Variants in ADGRE3 observed in about 807,000 individuals in gnomAD.
ADGRE3 encodes the protein adhesion G protein-coupled receptor E3, also known as EGF-like module receptor 3.
A neutral mutation model predicts 80.1 loss-of-function variants in ADGRE3; 88 were observed. The ratio of observed to expected loss-of-function variants is 1.10; its 90% CI spans 0.93 to 1.31. ADGRE3 has a LOEUF of 1.31. Among genes scored for constraint, ADGRE3 ranks in the 40% most tolerant of loss-of-function variants. ADGRE3 has a pLI of 0.00. For synonymous variants in ADGRE3, 281 were observed against 294.8 expected, an observed-to-expected ratio of 0.95 and a Z score of 0.48; for missense variants, 715 against 776.5, an observed-to-expected ratio of 0.92 and a Z score of 0.94.
chr19:14,611,597 G>A, the ADGRE3 span, among the ~76,000 whole-genome samples: 1 of 152,008 alleles, frequency 6.6e-6, no homozygotes, highest in Non-Finnish European at 1.5e-5. Flanking sequence ...CCCCTACATA[G>A]TGTGGCCAGG....
chr19:14,629,991 C>T, intron 14 of ADGRE3, 48 bp downstream of exon 14: 1 of 1,379,102 alleles, frequency 7.3e-7, no homozygotes, highest in Non-Finnish European at 9.8e-7. Context: ...AACTCCATTT[C>T]CAAAATTTTC....
At position 14,644,220 on chromosome 19, in the gene ADGRE3, C is replaced by T; in HGVS notation, c.938G>A (p.Gly313Asp). The stretch of plus-strand genomic sequence containing the variant: ...GCAGCCATCCCTGGACCACTGGCTG[C>T]CCTGCCCTGTGCTCTTCCAGTAGAC... ...FCVYWKSTGQ[G>D]SQWSRDGCFL... The change falls in exon 9 of 16, where the codon GGC (glycine) becomes GAC (aspartate). Residue 313 changes from glycine (G) to aspartate (D), a missense_variant. Transcript: ENST00000253673. 6.2e-7 allele frequency: 1 copy of T among 1,605,572 alleles called. No homozygotes were observed. Among genetic ancestry groups the T allele is most frequent in the East Asian group, 2.3e-5 (1 of 44,388 alleles).
chr19:14,639,940 G>A (rs534720654), intron 10 of ADGRE3, among the ~76,000 whole-genome samples: 28 of 152,050 alleles, frequency 1.8e-4, no homozygotes, highest in East Asian at 1.4e-3. Flanking sequence ...TATTCTTTCC[G>A]TCTAGCTGAA....
chr19:14,652,967 T>C (rs553095006), intron 6 of ADGRE3, among the ~76,000 whole-genome samples: 2 of 152,024 alleles, frequency 1.3e-5, no homozygotes, highest in African/African-American at 4.8e-5. Context: ...TTGAGCTCAG[T>C]GTAAGTGAAT....
rs1480663793 is a variant in ADGRE3, at chr19:14,638,148, T to A, written c.1441A>T (p.Ile481Phe). Residue 481 changes from isoleucine (I) to phenylalanine (F), a missense_variant, in exon 11 of 16, where the codon ATT becomes TTT. Transcript: ENST00000253673. ...GYGVPAVTVA[I>F]SAASWPHLYG... is the part of the protein sequence containing the mutation. ...AGGTGAGGCCAGGAGGCTGCAGAAA[T>A]GGCCACAGTCACAGCGGGAACGCCA... 2 of 1,614,080 alleles carry A rather than the reference T, an allele frequency of 1.2e-6. No homozygotes were observed. The highest frequency in any genetic ancestry group is 1.7e-6 in the Non-Finnish European group (2 of 1,180,004).
chr19:14,667,658 G>A (rs930940900), intron 2 of ADGRE3, among the ~76,000 whole-genome samples: 8 of 152,128 alleles, frequency 5.3e-5, no homozygotes, highest in Non-Finnish European at 1.2e-4. Context: ...TTTGGACACA[G>A]GGTGGGGAAC....
Position 14,621,790 on chromosome 19 carries a change from T to G in ADGRE3, c.1921-2319A>C. 2 of 1,027,842 alleles carry G rather than the reference T, an allele frequency of 1.9e-6. 1 individual carries two copies. The highest frequency in any genetic ancestry group is 4.4e-5 in the African/African-American group (2 of 44,948). The allele number at this position is 1,027,842 out of a possible 1,614,324, so 63.7% of individuals were successfully genotyped here. A position where few individuals can be genotyped will look rare whatever the true frequency, so the allele number is the denominator to read the frequency against. Reference sequence around the variant, plus strand: ...TTAAAAGCTTCCATATCAGCAGTAATGCAAGGCCAATAAGAACAATTCCAG... The same window carrying G: ...TTAAAAGCTTCCATATCAGCAGTAAGGCAAGGCCAATAAGAACAATTCCAG... On this transcript the variant is annotated intron_variant, in intron 15 of 15. Transcript: ENST00000253673.
At chr19:14,648,921 C>T (rs1048373841) in intron 7 of ADGRE3, among the ~76,000 whole-genome samples, 18 of 152,120 alleles carry the variant, frequency 1.2e-4, no homozygotes, top group Non-Finnish European at 2.6e-4. Flanking sequence ...CCCTCCTCAT[C>T]TCTTTCTTTC....
chr19:14,640,131 G>C (rs561055067), intron 10 of ADGRE3, among the ~76,000 whole-genome samples: 6 of 152,214 alleles, frequency 3.9e-5, no homozygotes, highest in African/African-American at 1.4e-4. Flanking sequence ...ACAATCTCCA[G>C]GTTCATCCAT....
At chr19:14,600,891 C>CTT in the ADGRE3 span, among the ~76,000 whole-genome samples, 123 of 63,212 alleles carry the variant, frequency 1.9e-3, 11 homozygotes, top group African/African-American at 6.1e-3. Flanking sequence ...GCTCGGCCTT[C>CTT]TTTTTTTTTT....
chr19:14,617,382 CTT>C, downstream of ADGRE3, among the ~76,000 whole-genome samples: 1 of 94,802 alleles, frequency 1.1e-5, no homozygotes, highest in Non-Finnish European at 2.0e-5. Flanking sequence ...TTCTTCCTTT[CTT>C]TCTTTCTTTC....
rs1372935210 is a variant in ADGRE3 at position 14,651,175 on chromosome 19, A to G, written c.607T>C (p.Cys203Arg). The change falls in exon 7 of 16, where the codon TGC becomes CGC. Residue 203 changes from cysteine to arginine, a missense_variant. Transcript: ENST00000253673. ...AIETQAITDN[C>R]SEERKTFNLN... is the part of the protein sequence containing the mutation. Reference sequence around the variant, plus strand: ...TTGAATGTCTTTCTTTCTTCAGAGCAATTGTCTGTAATCGCTTGAGTTTCA... The same window carrying G: ...TTGAATGTCTTTCTTTCTTCAGAGCGATTGTCTGTAATCGCTTGAGTTTCA... 5.6e-6 allele frequency: 9 copies of G among 1,613,948 alleles called. No individual in the cohort carries two copies. Among genetic ancestry groups the G allele is most frequent in the Non-Finnish European group, 7.6e-6 (9 of 1,179,936 alleles).
chr19:14,662,941 G>A (rs917211691), intron 3 of ADGRE3, among the ~76,000 whole-genome samples: 21 of 150,878 alleles, frequency 1.4e-4, no homozygotes, highest in African/African-American at 4.9e-4. Context: ...AGCTGGGCAT[G>A]GTGGCACGCC....
intron 15 of ADGRE3, among the ~76,000 whole-genome samples, chr19:14,620,526 ATATATATATTT>A (rs1319381511): frequency 0.038 from 447 of 11,696 alleles, 76 homozygotes; most frequent in African/African-American, 0.22. Context: ...CTATATATGA[ATATATATATTT>A]TATATATATA....
At chr19:14,607,298 A>G in the ADGRE3 span, among the ~76,000 whole-genome samples, 1 of 150,622 alleles carries the variant, frequency 6.6e-6, no homozygotes, top group African/African-American at 2.5e-5. Context: ...TCCGCCTCCC[A>G]GGTTCAAGGT....
chr19:14,610,017 C>T, the ADGRE3 span: 1 of 1,416,784 alleles, frequency 7.1e-7, no homozygotes, highest in Non-Finnish European at 1.0e-6. Flanking sequence ...AAGAGTTTCA[C>T]CACCCTAAAG....
chr19:14,638,661 C>T (rs1971167541), intron 10 of ADGRE3, among the ~76,000 whole-genome samples: 1 of 152,044 alleles, frequency 6.6e-6, no homozygotes, highest in African/African-American at 2.4e-5. Context: ...TCAACCTGCC[C>T]TTGGGACTGA....
At chr19:14,663,317 A>C in intron 3 of ADGRE3, 101 bp downstream of exon 3, 1 of 687,616 alleles carries the variant, frequency 1.5e-6, no homozygotes, top group South Asian at 4.2e-5. Context: ...GTGAGCTTTG[A>C]TCATGCCACA....
chr19:14,608,111 A>T, the ADGRE3 span, among the ~76,000 whole-genome samples: 1 of 152,008 alleles, frequency 6.6e-6, no homozygotes, highest in South Asian at 2.1e-4. Flanking sequence ...AGCTCAAGCG[A>T]TCCACCCGCC....
Sources: gnomAD v4.1 joint callset for allele counts (sites outside exome capture counted in the v4.1 genomes callset) on GRCh38, gnomAD v4.1.1 for gene constraint, MANE v1.5 for transcripts, NCBI Gene and HGNC (gene_info 2026-07-23, HGNC 2026-07-21) for gene names.